TTC7B: variants seen among roughly 807,000 people sequenced by gnomAD.
TTC7B encodes tetratricopeptide repeat protein 7B.
A neutral mutation model predicts 106.8 loss-of-function variants in TTC7B; 28 were observed. That is an observed-to-expected ratio of 0.26 (90% confidence interval 0.19 to 0.36). TTC7B has a LOEUF of 0.36. Ranked by LOEUF, TTC7B falls within the 10% of genes least tolerant of loss-of-function variation. TTC7B has a pLI of 1.00. For missense variants in TTC7B, 862 were observed against 1,076.4 expected (o/e 0.80, Z 2.79); for synonymous variants, 405 against 430.6 (o/e 0.94, Z 0.74).
At chr14:90,791,694 T>C (rs1305320839) in intron 1 of TTC7B, among the ~76,000 whole-genome samples, 2 of 151,944 alleles carry the variant, frequency 1.3e-5, no homozygotes, top group Admixed American at 6.6e-5. Flanking sequence ...CCCTCCCCCA[T>C]AGGCTGGACC....
intron 17 of TTC7B, chr14:90,605,797 A>G: frequency 8.2e-7 from 1 of 1,213,614 alleles, no homozygotes; most frequent in Non-Finnish European, 1.0e-6. Context: ...GAAGGCAAAA[A>G]AAAAACTTTA....
At chr14:90,544,851 G>C (rs902912779) in intron 19 of TTC7B, among the ~76,000 whole-genome samples, 1 of 152,226 alleles carries the variant, frequency 6.6e-6, no homozygotes, top group African/African-American at 2.4e-5. Context: ...TCCCAGCAGG[G>C]AGACACATGC....
Position 90,593,563 on chromosome 14 carries a change from G to A in TTC7B, c.2030C>T (p.Ser677Leu). Reference sequence around the variant, plus strand: ...CTTAGGGGCACTGCTCTGCAGAGACGAAGCCACTTCCGACAGTGCCTGCTC... The same window carrying A: ...CTTAGGGGCACTGCTCTGCAGAGACAAAGCCACTTCCGACAGTGCCTGCTC... Reference protein sequence around the residue: ...RVEQALSEVASSLQSSAPKQG... With the variant: ...RVEQALSEVALSLQSSAPKQG... Residue 677 changes from serine to leucine, a missense_variant, in exon 18 of 20, where the codon TCG (serine) becomes TTG (leucine). By Grantham distance (145) the Ser-to-Leu change is moderately radical (BLOSUM62 -2). Transcript: ENST00000328459. 3 of 1,612,608 alleles carry A rather than the reference G, an allele frequency of 1.9e-6. No homozygotes were observed. The highest frequency in any genetic ancestry group is 2.2e-5 in the East Asian group (1 of 44,816).
At chr14:90,769,886 C>T (rs1890804781) in intron 3 of TTC7B, among the ~76,000 whole-genome samples, 1 of 152,214 alleles carries the variant, frequency 6.6e-6, no homozygotes, top group Admixed American at 6.5e-5. Flanking sequence ...TGGTGGCATG[C>T]TTCTGTAATC....
At chr14:90,788,086 AC>A (rs34134899) in intron 1 of TTC7B, among the ~76,000 whole-genome samples, 98,744 of 151,974 alleles carry the variant, frequency 0.65, 35,724 homozygotes, top group Non-Finnish European at 0.8. Flanking sequence ...AATCACTTGA[AC>A]CCAGGAGTGG....
Position 90,578,086 on chromosome 14 carries a change from C to A in TTC7B, c.2310+20G>T, listed in dbSNP as rs560354170. The A allele has an allele frequency of 2.6e-5, 41 of 1,590,880 alleles. No homozygotes were observed. In the South Asian group the frequency reaches 4.0e-4, roughly 15 times the overall value. ...GTCCCCATGCCAGAGTAGGGGCCAC[C>A]GCCGGGCTCGTGGACTCACCAGTCG... On this transcript the variant is annotated intron_variant, in intron 19 of 19. Transcript: ENST00000328459. This position sits in a 1 kb window ranked among gnomAD's most constrained non-coding sequence, Gnocchi z 4.7.
intron 5 of TTC7B, among the ~76,000 whole-genome samples, chr14:90,728,793 C>T (rs114631113): frequency 0.014 from 2,073 of 152,336 alleles, 11 homozygotes; most frequent in South Asian, 0.032. Flanking sequence ...CATATTAACA[C>T]ATACAGACAC....
In TTC7B at chr14:90,593,521, G is replaced by A. The variant is rs1275839974; in HGVS notation, c.2072C>T (p.Pro691Leu). ...SSAPKQGPLH[P>L]WMTLAQIWLH... ...CCAGATCTGTGCCAGCGTCATCCAG[G>A]GGTGCAGCGGGCCCTGCTTAGGGGC... Residue 691 changes from proline (P) to leucine (L), a missense_variant, in exon 18 of 20, where the codon CCC (proline) becomes CTC (leucine). Coordinates refer to ENST00000328459, the MANE Select transcript of TTC7B (RefSeq NM_001010854.2). The A allele has an allele frequency of 6.2e-7, 1 of 1,609,950 alleles. No individual in the cohort carries two copies. Among genetic ancestry groups the A allele is most frequent in the Non-Finnish European group, 8.5e-7 (1 of 1,177,562 alleles).
intron 5 of TTC7B, among the ~76,000 whole-genome samples, chr14:90,702,229 C>A (rs12887786): frequency 0.14 from 21,984 of 152,156 alleles, 1,751 homozygotes; most frequent in Middle Eastern, 0.21. Flanking sequence ...GTACCCACCT[C>A]ATTTAACCAT....
intron 19 of TTC7B, among the ~76,000 whole-genome samples, chr14:90,549,452 C>T (rs745474888): frequency 2.6e-5 from 4 of 152,246 alleles, no homozygotes; most frequent in Non-Finnish European, 4.4e-5. Context: ...CCTTTGTCTC[C>T]CTTTGGGAAG....
intron 3 of TTC7B, among the ~76,000 whole-genome samples, chr14:90,745,297 CAAA>C (rs71461925): frequency 1.1e-4 from 12 of 108,740 alleles, no homozygotes; most frequent in Admixed American, 1.9e-4. Context: ...CCCTGTCTCC[CAAA>C]AAAAAAAAAA....
chr14:90,816,082 G>GCCCGCGC (rs1186973971), intron 1 of TTC7B, 93 bp downstream of exon 1: 108 of 978,516 alleles, frequency 1.1e-4, no homozygotes, highest in Middle Eastern at 5.3e-4. Context: ...CCGCGCCCCT[G>GCCCGCGC]CCCGCGCCCC....
intron 5 of TTC7B, among the ~76,000 whole-genome samples, chr14:90,729,625 C>A (rs1017681177): frequency 6.6e-5 from 10 of 152,260 alleles, no homozygotes; most frequent in Admixed American, 1.3e-4. Context: ...CAAAGCCACA[C>A]TCACTTTCAT....
intron 8 of TTC7B, among the ~76,000 whole-genome samples, chr14:90,679,820 A>G (rs1886980885): frequency 6.6e-6 from 1 of 152,226 alleles, no homozygotes; most frequent in Non-Finnish European, 1.5e-5. Flanking sequence ...TGAGTGGTGA[A>G]ATAGACCTAA....
At chr14:90,719,109 C>CA (rs1316678556) in intron 5 of TTC7B, among the ~76,000 whole-genome samples, 3 of 151,876 alleles carry the variant, frequency 2.0e-5, no homozygotes, top group African/African-American at 7.2e-5. Context: ...AACAAACAAA[C>CA]AAACAAAAAA....
At chr14:90,728,536 G>A (rs1233609772) in intron 5 of TTC7B, among the ~76,000 whole-genome samples, 1 of 152,056 alleles carries the variant, frequency 6.6e-6, no homozygotes, top group Admixed American at 6.5e-5. Flanking sequence ...GAGTCAGTAA[G>A]CAATCCATGG....
At chr14:90,603,209 T>A in intron 17 of TTC7B, 1 of 1,224,022 alleles carries the variant, frequency 8.2e-7, no homozygotes, top group Non-Finnish European at 1.1e-6. Flanking sequence ...GGAGTGTGAT[T>A]CTGGAGGCCC....
At chr14:90,751,990 G>A (rs1890151798) in intron 3 of TTC7B, among the ~76,000 whole-genome samples, 1 of 152,118 alleles carries the variant, frequency 6.6e-6, no homozygotes, top group African/African-American at 2.4e-5. Context: ...GGGGCAACAA[G>A]GACTGCTGAG....
chr14:90,725,536 T>G (rs1889065818), intron 5 of TTC7B, among the ~76,000 whole-genome samples: 1 of 152,144 alleles, frequency 6.6e-6, no homozygotes. Flanking sequence ...TGGTGATGAG[T>G]GGTCTATTTG....
Sources: gnomAD v4.1 joint callset for allele counts (sites outside exome capture counted in the v4.1 genomes callset) on GRCh38, gnomAD v4.1.1 for gene constraint, Gnocchi (gnomAD v3.1) non-coding constraint, MANE v1.5 for transcripts, NCBI Gene and HGNC (gene_info 2026-07-23, HGNC 2026-07-21) for gene names.